The following TTC17 variants were observed in gnomAD, a reference collection of about 807,000 sequenced individuals.
TTC17 encodes tetratricopeptide repeat domain 17.
A neutral mutation model predicts 143.8 loss-of-function variants in TTC17; 58 were observed. The ratio of observed to expected loss-of-function variants is 0.40; its 90% confidence interval spans 0.33 to 0.50. The LOEUF (loss-of-function observed/expected upper bound fraction) is 0.50, where lower values mean the gene tolerates loss of function less well. Ranked by LOEUF, TTC17 falls within the 20% of genes least tolerant of loss-of-function variation. The probability of loss-of-function intolerance (pLI) is 0.49; values close to 1 mark genes in which losing one functional copy is unlikely to be tolerated. For missense variants in TTC17, 1,273 were observed against 1,392.5 expected (o/e 0.91, Z 1.37); for synonymous variants, 501 against 497.8 (o/e 1.01, Z -0.09).
intron 21 of TTC17, among the ~76,000 whole-genome samples, chr11:43,484,017 C>G (rs538131429): frequency 6.6e-6 from 1 of 152,122 alleles, no homozygotes; most frequent in South Asian, 2.1e-4. Flanking sequence ...TGGTGCAGCC[C>G]TGTAATCCCA....
intron 21 of TTC17, among the ~76,000 whole-genome samples, chr11:43,472,876 G>A (rs76658676): frequency 0.034 from 5,088 of 149,256 alleles, 106 homozygotes; most frequent in Middle Eastern, 0.08. Context: ...AACAAAAGAA[G>A]AGATAGTAAA....
intron 1 of TTC17, among the ~76,000 whole-genome samples, chr11:43,371,876 C>T (rs1020501641): frequency 6.6e-6 from 1 of 152,136 alleles, no homozygotes; most frequent in Non-Finnish European, 1.5e-5. Flanking sequence ...TACAATATCA[C>T]ATACACAAAA....
intron 18 of TTC17, chr11:43,446,163 C>T (rs898863866): frequency 3.0e-6 from 4 of 1,322,658 alleles, no homozygotes; most frequent in Non-Finnish European, 3.9e-6. Flanking sequence ...CAACCATGCT[C>T]ATGTTTTTAC....
chr11:43,484,097 GTGTCAC>G (rs1172488545), intron 21 of TTC17, among the ~76,000 whole-genome samples: 1 of 152,130 alleles, frequency 6.6e-6, no homozygotes, highest in Non-Finnish European at 1.5e-5. Flanking sequence ...AGCCGAGATT[GTGTCAC>G]TGTACTCCAG....
intron 21 of TTC17, among the ~76,000 whole-genome samples, chr11:43,486,876 A>T (rs556211007): frequency 1.3e-4 from 20 of 151,964 alleles, no homozygotes; most frequent in African/African-American, 4.8e-4. Context: ...TCTCTACAAA[A>T]AATTTAAAAA....
chr11:43,491,921 C>A, intron 22 of TTC17, 99 bp from the exon 23 acceptor site: 1 of 1,502,626 alleles, frequency 6.7e-7, no homozygotes. Flanking sequence ...TCTAATCATT[C>A]ACCAGGAAAC....
intron 21 of TTC17, among the ~76,000 whole-genome samples, chr11:43,464,310 TCTA>T (rs1413804093): frequency 6.6e-6 from 1 of 151,970 alleles, no homozygotes; most frequent in Non-Finnish European, 1.5e-5. Context: ...ATCCATTCCT[TCTA>T]CTACACACCA....
chr11:43,397,196 TAA>T (rs1857629389), intron 6 of TTC17, 149 bp from the exon 7 acceptor site: 15 of 836,828 alleles, frequency 1.8e-5, no homozygotes, highest in Non-Finnish European at 2.5e-5. Flanking sequence ...GCTATCAGAT[TAA>T]GAGCCATCAA....
intron 16 of TTC17, among the ~76,000 whole-genome samples, chr11:43,430,750 A>AC (rs1565162027): frequency 1.2e-4 from 9 of 75,824 alleles, no homozygotes; most frequent in South Asian, 3.8e-4. Flanking sequence ...CACACACACA[A>AC]AGTTGAAATT....
chr11:43,434,861 A>T (rs1273530164), intron 16 of TTC17, among the ~76,000 whole-genome samples: 1 of 152,246 alleles, frequency 6.6e-6, no homozygotes, highest in East Asian at 1.9e-4. Context: ...ATGGAAAATG[A>T]CTCTCTAAGC....
Position 43,397,944 on chromosome 11 carries a change from G to GTT in TTC17, c.919-29_919-28insTT, listed in dbSNP as rs1565144775. ...TGTGTGTGTGTGTGTGTGTGTGTGT[G>GTT]TGTGTGTATGTTTGTTTTTGTCTCT... is the stretch of plus-strand genomic sequence containing the variant. On this transcript the variant is annotated intron_variant, in intron 7 of 23. Coordinates refer to ENST00000039989, the MANE Select transcript of TTC17 (RefSeq NM_018259.6). 3 of 1,394,782 alleles carry GTT rather than the reference G, an allele frequency of 2.2e-6. No homozygotes were observed. The African/African-American group carries it at 6.0e-5, about 28-fold the overall frequency. 86.4% of individuals were successfully genotyped at this position (1,394,782 alleles called of 1,614,324 possible).
In TTC17 at chr11:43,395,121, G is replaced by T. The variant is rs530888719; in HGVS notation, c.664-1588G>T. On this transcript the variant is annotated intron_variant, in intron 5 of 23. Coordinates refer to ENST00000039989, the MANE Select transcript of TTC17 (RefSeq NM_018259.6). Reference sequence around the variant, plus strand: ...GAACTTTTTTTTTTTTTTTTTTTGAGATGGAGTCTCACTCTGTCGCCCAGG... The same window carrying T: ...GAACTTTTTTTTTTTTTTTTTTTGATATGGAGTCTCACTCTGTCGCCCAGG... 3.3e-4 allele frequency among the ~76,000 whole-genome samples: 42 copies of T among 128,766 alleles called. 1 individual carries two copies. The highest frequency in any genetic ancestry group is 1.2e-3 in the Admixed American group (14 of 11,776). The allele number at this position is 128,766 out of a possible 152,430, so 84.5% of individuals were successfully genotyped here.
intron 15 of TTC17, among the ~76,000 whole-genome samples, chr11:43,411,155 G>A (rs572774619): frequency 1.3e-3 from 201 of 152,266 alleles, no homozygotes; most frequent in South Asian, 5.8e-3. Flanking sequence ...TGATGTAGAA[G>A]GTCCTACATG....
At chr11:43,418,267 A>T (rs561520011) in intron 16 of TTC17, among the ~76,000 whole-genome samples, 16 of 152,256 alleles carry the variant, frequency 1.1e-4, no homozygotes, top group Non-Finnish European at 2.1e-4. Flanking sequence ...TATCATCATC[A>T]TCTCTCCCTC....
chr11:43,401,400 T>C, intron 9 of TTC17, 46 bp from the exon 10 acceptor site: 4 of 1,333,420 alleles, frequency 3.0e-6, no homozygotes, highest in Non-Finnish European at 4.3e-6. Flanking sequence ...CACATTGGCA[T>C]TGTTGACCTT....
chr11:43,387,675 AAAAG>A (rs1251395316), intron 2 of TTC17, among the ~76,000 whole-genome samples: 5 of 152,126 alleles, frequency 3.3e-5, no homozygotes, highest in African/African-American at 1.2e-4. Flanking sequence ...AGCTGAGGGA[AAAAG>A]AAAGAACATG....
At chr11:43,396,957 CAA>C (rs11406499) in intron 6 of TTC17, 139 bp downstream of exon 6, 2,769 of 328,338 alleles carry the variant, frequency 8.4e-3, no homozygotes, top group South Asian at 0.013. Context: ...AGTCCCACCA[CAA>C]AAAAAAAAAA....
At chr11:43,465,810 T>C (rs2134810092) in intron 21 of TTC17, among the ~76,000 whole-genome samples, 1 of 152,232 alleles carries the variant, frequency 6.6e-6, no homozygotes, top group East Asian at 1.9e-4. Context: ...AAGACCTAAG[T>C]GTAAGACCTA....
chr11:43,383,831 C>T (rs993037651), intron 2 of TTC17, among the ~76,000 whole-genome samples: 3 of 151,346 alleles, frequency 2.0e-5, no homozygotes, highest in Admixed American at 6.6e-5. Context: ...TATTTACTGA[C>T]GAAAACCAAA....
Sources: allele counts gnomAD v4.1 joint callset (sites outside exome capture counted in the v4.1 genomes callset), GRCh38; gene constraint gnomAD v4.1.1; transcripts MANE v1.5; gene names NCBI Gene and HGNC (gene_info 2026-07-23, HGNC 2026-07-21).